Variants in NINL observed in about 807,000 individuals in gnomAD.
NINL encodes ninein-like protein.
NINL carries 153 observed loss-of-function variants against 160.3 expected under a neutral mutation model. That is an observed-to-expected ratio of 0.95 (90% CI 0.84 to 1.09). The LOEUF is 1.09. Ranked by LOEUF, NINL falls within the 50% of genes least tolerant of loss-of-function variation. NINL has a pLI of 0.00. For missense variants in NINL, 1,829 were observed against 1,764.0 expected, an observed-to-expected ratio of 1.04 and a Z score of -0.66; for synonymous variants, 800 against 734.8, an observed-to-expected ratio of 1.09 and a Z score of -1.43.
At chr20:25,458,309 T>C in intron 22 of NINL, 74 bp downstream of exon 22, 1 of 1,570,626 alleles carries the variant, frequency 6.4e-7, no homozygotes, top group South Asian at 1.1e-5. Flanking sequence ...AGCTTCTGGG[T>C]AACTGAGGAC....
chr20:25,467,698 C>T (rs1045062735), intron 18 of NINL, among the ~76,000 whole-genome samples: 2 of 152,014 alleles, frequency 1.3e-5, no homozygotes, highest in African/African-American at 4.8e-5. Flanking sequence ...GTGAAACTGT[C>T]GGATTACTAG....
At chr20:25,531,335 T>TTGCATGTATGCAA (rs1432085567) in intron 1 of NINL, among the ~76,000 whole-genome samples, 2 of 152,034 alleles carry the variant, frequency 1.3e-5, no homozygotes, top group African/African-American at 4.8e-5. Flanking sequence ...CATCACAGGG[T>TTGCATGTATGCAA]CCTGAGGCGA....
intron 3 of NINL, among the ~76,000 whole-genome samples, chr20:25,513,493 C>G (rs1568932408): frequency 6.6e-6 from 1 of 152,186 alleles, no homozygotes; most frequent in African/African-American, 2.4e-5. Flanking sequence ...TCATCATGAG[C>G]CTTATTAACA....
At chr20:25,566,505 T>C (rs552739651) in intron 1 of NINL, among the ~76,000 whole-genome samples, 14 of 152,176 alleles carry the variant, frequency 9.2e-5, no homozygotes, top group African/African-American at 3.4e-4. Flanking sequence ...GACTGAGACT[T>C]TCAGATAACT....
chr20:25,495,254 C>T (rs1205261219), intron 10 of NINL, among the ~76,000 whole-genome samples: 2 of 152,212 alleles, frequency 1.3e-5, no homozygotes, highest in East Asian at 1.9e-4. Flanking sequence ...GTGCAGCTGG[C>T]ACAATTCCAA....
At chr20:25,498,150 C>A (rs780200840) in intron 9 of NINL, 60 bp downstream of exon 9, 1 of 1,596,556 alleles carries the variant, frequency 6.3e-7, no homozygotes, top group Non-Finnish European at 8.5e-7. Context: ...CCCAGACCCC[C>A]CTCCAGGCCC....
At chr20:25,498,451 C>T (rs2063803435) in intron 8 of NINL, 105 bp from the exon 9 acceptor site, 4 of 1,425,212 alleles carry the variant, frequency 2.8e-6, no homozygotes, top group Non-Finnish European at 3.8e-6. Context: ...ATGGCTGTCC[C>T]AGGCAGCACC....
chr20:25,565,857 AC>A (rs1568970080), intron 1 of NINL, among the ~76,000 whole-genome samples: 2 of 151,890 alleles, frequency 1.3e-5, no homozygotes, highest in Non-Finnish European at 2.9e-5. Flanking sequence ...GCTGCCATGC[AC>A]TCTTCCTCTC....
At position 25,496,563 on chromosome 20, in the gene NINL, AC is replaced by A. The variant is rs1299479145; in HGVS notation, c.1310+99del. Reference sequence around the variant, plus strand: ...AATAGGGGGGTCTCCACTGAGCCACACCCGCAGCTCTGGCCCCTGGCAGCCC... The same window carrying A: ...AATAGGGGGGTCTCCACTGAGCCACACCGCAGCTCTGGCCCCTGGCAGCCC... On this transcript the variant is annotated intron_variant, in intron 10 of 23. Coordinates refer to ENST00000278886, the MANE Select transcript of NINL (RefSeq NM_025176.6). 5 of 1,443,566 alleles carry A rather than the reference AC, an allele frequency of 3.5e-6. No individual in the cohort carries two copies. In the African/African-American group the frequency reaches 7.0e-5, roughly 20 times the overall value. 89.4% of individuals were successfully genotyped at this position (1,443,566 alleles called of 1,614,324 possible).
chr20:25,526,388 C>T lies in NINL; in HGVS notation c.180+20G>A, dbSNP rs748908619. ...ATAGACCCCGTGCTTTCCTTTATGA[C>T]AATGAAGTCCAACACTCACCCTGGC... On this transcript the variant is annotated intron_variant, in intron 2 of 23. Coordinates refer to ENST00000278886, the MANE Select transcript of NINL (RefSeq NM_025176.6). The T allele has an allele frequency of 6.3e-7, 1 of 1,596,690 alleles. No homozygotes were observed. The highest frequency in any genetic ancestry group is 8.6e-7 in the Non-Finnish European group (1 of 1,167,950).
rs200640031 is a variant in NINL, at chr20:25,512,820, G to A, written c.450+14C>T. 45 of 1,595,162 alleles carry A rather than the reference G, an allele frequency of 2.8e-5. No individual in the cohort carries two copies. The Admixed American group carries it at 6.1e-4, about 22-fold the overall frequency. ...AACACTGGGCAGCTGGGGTGGGAGAGGGGCCTGACCCACCTCCACGCTCTC... is the reference window on the plus strand; with the variant it reads ...AACACTGGGCAGCTGGGGTGGGAGAAGGGCCTGACCCACCTCCACGCTCTC... On this transcript the variant is annotated intron_variant, in intron 4 of 23. Coordinates refer to ENST00000278886, the MANE Select transcript of NINL (RefSeq NM_025176.6).
chr20:25,549,906 G>A (rs987145046), intron 1 of NINL, among the ~76,000 whole-genome samples: 1 of 152,132 alleles, frequency 6.6e-6, no homozygotes, highest in African/African-American at 2.4e-5. Context: ...CCATACACAC[G>A]TCTGCAAACA....
At chr20:25,517,916 CT>C (rs2064189773) in intron 2 of NINL, 67 bp from the exon 3 acceptor site, 2 of 978,176 alleles carry the variant, frequency 2.0e-6, no homozygotes, top group Non-Finnish European at 3.0e-6. Context: ...AAAAGTGACT[CT>C]TTTGGATTTT....
intron 3 of NINL, among the ~76,000 whole-genome samples, chr20:25,517,211 C>T (rs1286313733): frequency 1.3e-5 from 2 of 152,126 alleles, no homozygotes; most frequent in East Asian, 3.9e-4. Flanking sequence ...GAAGTGCTCC[C>T]TATGTGACAC....
At chr20:25,496,356 G>A (rs1308276100) in intron 10 of NINL, among the ~76,000 whole-genome samples, 3 of 152,296 alleles carry the variant, frequency 2.0e-5, no homozygotes, top group South Asian at 2.1e-4. Context: ...TCACAGGCAC[G>A]CAGCTAGGGG....
At chr20:25,546,977 C>T (rs531268208) in intron 1 of NINL, among the ~76,000 whole-genome samples, 2 of 152,260 alleles carry the variant, frequency 1.3e-5, no homozygotes, top group Admixed American at 6.5e-5. Flanking sequence ...CCTGTGTCCT[C>T]ATCTGTTCTC....
At chr20:25,567,626 A>G (rs1329447513) in intron 1 of NINL, among the ~76,000 whole-genome samples, 1 of 152,238 alleles carries the variant, frequency 6.6e-6, no homozygotes, top group Non-Finnish European at 1.5e-5. Context: ...GTTAAGTATT[A>G]CATCAGACTT....
At chr20:25,540,295 A>T (rs891012532) in intron 1 of NINL, among the ~76,000 whole-genome samples, 1 of 152,192 alleles carries the variant, frequency 6.6e-6, no homozygotes, top group African/African-American at 2.4e-5. Context: ...CTTTGCCACC[A>T]AGTGAAAGAA....
intron 1 of NINL, among the ~76,000 whole-genome samples, chr20:25,535,668 C>A (rs1437143679): frequency 6.6e-6 from 1 of 151,772 alleles, no homozygotes; most frequent in Non-Finnish European, 1.5e-5. Flanking sequence ...TGTTTTTTAC[C>A]ACCATTAAAT....
Sources: gnomAD v4.1 joint callset for allele counts (sites outside exome capture counted in the v4.1 genomes callset) on GRCh38, gnomAD v4.1.1 for gene constraint, MANE v1.5 for transcripts, NCBI Gene and HGNC (gene_info 2026-07-23, HGNC 2026-07-21) for gene names.